PCCA: variants seen among roughly 807,000 people sequenced by gnomAD.
PCCA encodes the protein propionyl-CoA carboxylase subunit alpha, also known as propionyl-CoA carboxylase alpha chain, mitochondrial.
Under a neutral mutation model 101.3 loss-of-function variants are expected in PCCA, and 74 were observed. The ratio of observed to expected loss-of-function variants is 0.73; its 90% CI spans 0.61 to 0.89. The LOEUF is 0.89. PCCA is among the 40% of genes least tolerant of loss of function. The pLI is 0.00. For synonymous variants in PCCA, 294 were observed against 313.6 expected, an observed-to-expected ratio of 0.94 and a Z score of 0.66; for missense variants, 891 against 907.0, an observed-to-expected ratio of 0.98 and a Z score of 0.23.
At chr13:100,298,418 A>G (rs2065730013) in intron 12 of PCCA, among the ~76,000 whole-genome samples, 1 of 152,134 alleles carries the variant, frequency 6.6e-6, no homozygotes, top group Non-Finnish European at 1.5e-5. Context: ...TGACACAGAA[A>G]CCTTTTCCCC....
chr13:100,339,362 TA>T (rs999197857), intron 17 of PCCA, among the ~76,000 whole-genome samples: 191 of 152,348 alleles, frequency 1.3e-3, no homozygotes, highest in African/African-American at 4.2e-3. Flanking sequence ...AAGTTGCTCA[TA>T]CTGTCCCATT....
intron 23 of PCCA, among the ~76,000 whole-genome samples, chr13:100,528,525 C>G (rs1297480549): frequency 6.6e-6 from 1 of 152,220 alleles, no homozygotes; most frequent in African/African-American, 2.4e-5. Flanking sequence ...ATCAGAGAGA[C>G]ACACAACCTC....
chr13:100,430,146 A>C (rs1595876017), intron 20 of PCCA, among the ~76,000 whole-genome samples: 1 of 152,028 alleles, frequency 6.6e-6, no homozygotes, highest in Admixed American at 6.6e-5. Flanking sequence ...ATGGTGGCGC[A>C]TGCCTGTAAT....
intron 10 of PCCA, among the ~76,000 whole-genome samples, chr13:100,265,097 C>T (rs1017127400): frequency 6.6e-6 from 1 of 152,136 alleles, no homozygotes; most frequent in African/African-American, 2.4e-5. Context: ...AGTCCTTTGT[C>T]AGATGTATGT....
At chr13:100,228,760 C>G (rs372842669) in intron 7 of PCCA, among the ~76,000 whole-genome samples, 2 of 151,592 alleles carry the variant, frequency 1.3e-5, no homozygotes, top group African/African-American at 4.8e-5. Flanking sequence ...ATTAGTCATA[C>G]GTGGTGGTGT....
At chr13:100,179,091 A>AT (rs1491576425) in intron 6 of PCCA, among the ~76,000 whole-genome samples, 156 of 110,518 alleles carry the variant, frequency 1.4e-3, no homozygotes, top group African/African-American at 2.6e-3. Flanking sequence ...AAAAAAAAAA[A>AT]ATATATATAT....
intron 1 of PCCA, among the ~76,000 whole-genome samples, chr13:100,097,789 A>T (rs1018877966): frequency 6.6e-6 from 1 of 152,182 alleles, no homozygotes; most frequent in Admixed American, 6.5e-5. Context: ...AGGTGGGAGG[A>T]TCACTTGAGG....
chr13:100,370,479 A>G (rs543305348), intron 19 of PCCA, among the ~76,000 whole-genome samples: 1 of 152,204 alleles, frequency 6.6e-6, no homozygotes, highest in South Asian at 2.1e-4. Flanking sequence ...CTCCAGCTTC[A>G]CTTTTTAGCT....
chr13:100,338,040 G>T (rs923389415), intron 17 of PCCA, among the ~76,000 whole-genome samples: 4 of 152,204 alleles, frequency 2.6e-5, no homozygotes, highest in Non-Finnish European at 4.4e-5. Flanking sequence ...CAGAACAGTT[G>T]TATTCAAAGT....
At chr13:100,126,981 T>TG (rs1202707600) in intron 4 of PCCA, among the ~76,000 whole-genome samples, 1 of 152,174 alleles carries the variant, frequency 6.6e-6, no homozygotes, top group Non-Finnish European at 1.5e-5. Context: ...AAGTAAAACT[T>TG]GCAACCAAGA....
At chr13:100,398,223 G>T (rs1361518414) in intron 19 of PCCA, among the ~76,000 whole-genome samples, 1 of 152,128 alleles carries the variant, frequency 6.6e-6, no homozygotes, top group Non-Finnish European at 1.5e-5. Flanking sequence ...ACTGGTTTAG[G>T]TGCATTAATT....
At chr13:100,261,580 G>C (rs1470390898) in intron 9 of PCCA, among the ~76,000 whole-genome samples, 1 of 151,966 alleles carries the variant, frequency 6.6e-6, no homozygotes, top group Non-Finnish European at 1.5e-5. Context: ...TGGCCAGGCT[G>C]GTCTCGAACT....
chr13:100,307,997 G>A (rs1301746878), intron 15 of PCCA, among the ~76,000 whole-genome samples: 1 of 151,784 alleles, frequency 6.6e-6, no homozygotes, highest in Non-Finnish European at 1.5e-5. Context: ...TAGCTGGGTG[G>A]CTCGTGCCAC....
Position 100,516,934 on chromosome 13 carries a change from TG to T in PCCA, c.2040+1368del, listed in dbSNP as rs2086873424. ...AGGTTCGTAAACAATATAAGGGTTT[TG>T]TTTTGTTTTTTTCATTTTTCTTAAG... On this transcript the variant is annotated intron_variant, in intron 22 of 23. Coordinates refer to ENST00000376285, the MANE Select transcript of PCCA (RefSeq NM_000282.4). Among the ~76,000 whole-genome samples the T allele has an allele frequency of 2.6e-5, 4 of 152,254 alleles. No individual in the cohort carries two copies. In the South Asian group the frequency reaches 8.3e-4, roughly 32 times the overall value.
chr13:100,494,428 A>C (rs2152983869), intron 21 of PCCA, among the ~76,000 whole-genome samples: 1 of 152,268 alleles, frequency 6.6e-6, no homozygotes, highest in South Asian at 2.1e-4. Flanking sequence ...TCACGCCTGT[A>C]ATCCCAGCAC....
intron 16 of PCCA, among the ~76,000 whole-genome samples, chr13:100,329,430 C>T (rs1369151531): frequency 6.6e-6 from 1 of 152,018 alleles, no homozygotes; most frequent in Non-Finnish European, 1.5e-5. Flanking sequence ...AGCTTAGTGG[C>T]CGGCCTTCAG....
rs759569756 is a variant in PCCA at position 100,527,745 on chromosome 13, C to T, written c.2111C>T (p.Thr704Ile). Residue 704 changes from threonine to isoleucine, a missense_variant, in exon 23 of 24, where the codon ACT (threonine) becomes ATT (isoleucine). Thr to Ile is a moderately conservative substitution (Grantham distance 89). Coordinates refer to ENST00000376285, the MANE Select transcript of PCCA (RefSeq NM_000282.4). The stretch of plus-strand genomic sequence containing the variant: ...CAGAATAGTATGACAGCTGGGAAAA[C>T]TGGCACGGTGAGTCCCTAAGTCCCC... ...KMQNSMTAGK[T>I]GTVKSVHCQA... is the part of the protein sequence containing the mutation. 1.2e-6 allele frequency: 2 copies of T among 1,611,812 alleles called. No individual in the cohort carries two copies. The highest frequency in any genetic ancestry group is 3.3e-5 in the Admixed American group (2 of 60,030).
intron 21 of PCCA, among the ~76,000 whole-genome samples, chr13:100,496,668 A>C (rs1252255706): frequency 6.6e-6 from 1 of 152,256 alleles, no homozygotes; most frequent in East Asian, 1.9e-4. Context: ...TGGTAAAGGA[A>C]ATAGACAGTT....
intron 6 of PCCA, among the ~76,000 whole-genome samples, chr13:100,176,659 C>G (rs1181545247): frequency 3.3e-5 from 5 of 152,172 alleles, no homozygotes; most frequent in African/African-American, 7.2e-5. Context: ...TGTCAGGACT[C>G]AAGTCCGATT....
Sources: gnomAD v4.1 joint callset for allele counts (sites outside exome capture counted in the v4.1 genomes callset) on GRCh38, gnomAD v4.1.1 for gene constraint, MANE v1.5 for transcripts, NCBI Gene and HGNC (gene_info 2026-07-23, HGNC 2026-07-21) for gene names.